Variants in OPCML observed in about 807,000 individuals in gnomAD.
OPCML encodes the protein opioid binding protein/cell adhesion molecule like, also known as opioid-binding protein/cell adhesion molecule.
Under a neutral mutation model 37.8 loss-of-function variants are expected in OPCML, and 13 were observed. The ratio of observed to expected loss-of-function variants is 0.34; its 90% CI spans 0.22 to 0.55. The LOEUF is 0.55. OPCML is among the 20% of genes least tolerant of loss of function. The pLI is 0.91. For missense variants in OPCML, 341 were observed against 435.6 expected (o/e 0.78, Z 1.93); for synonymous variants, 176 against 168.8 (o/e 1.04, Z -0.33).
chr11:133,460,253 C>T (rs541125109), intron 1 of OPCML, among the ~76,000 whole-genome samples: 2 of 151,878 alleles, frequency 1.3e-5, no homozygotes, highest in African/African-American at 4.8e-5. Flanking sequence ...GCTGTAAAAG[C>T]TCACATTTAT....
chr11:132,844,746 TGAGCAAATCTG>T, intron 2 of OPCML, among the ~76,000 whole-genome samples: 1 of 152,200 alleles, frequency 6.6e-6, no homozygotes, highest in East Asian at 1.9e-4. Flanking sequence ...TGTAAAACAT[TGAGCAAATCTG>T]TGTCCCTATG....
At chr11:133,248,228 T>C (rs1384873602) in intron 1 of OPCML, among the ~76,000 whole-genome samples, 2 of 152,206 alleles carry the variant, frequency 1.3e-5, no homozygotes, top group Non-Finnish European at 2.9e-5. Context: ...ATGCCCCTTT[T>C]TTCAAAGAAA....
At chr11:132,450,083 G>A (rs2096064798) in intron 4 of OPCML, among the ~76,000 whole-genome samples, 1 of 152,286 alleles carries the variant, frequency 6.6e-6, no homozygotes, top group Admixed American at 6.5e-5. Flanking sequence ...GCCAGGGCTG[G>A]TCGTCCTCCA....
chr11:133,084,503 G>C (rs1269197625), intron 1 of OPCML, among the ~76,000 whole-genome samples: 2 of 152,194 alleles, frequency 1.3e-5, no homozygotes, highest in Non-Finnish European at 2.9e-5. Context: ...GGCATCTCTT[G>C]AGGGTGTCTA....
intron 3 of OPCML, among the ~76,000 whole-genome samples, chr11:132,533,717 C>T (rs1254027622): frequency 1.3e-5 from 2 of 152,136 alleles, no homozygotes; most frequent in Non-Finnish European, 2.9e-5. Context: ...TTTACCTGTA[C>T]CTTTATTTGT....
intron 1 of OPCML, among the ~76,000 whole-genome samples, chr11:133,434,581 G>A (rs1946192109): frequency 6.6e-6 from 1 of 151,900 alleles, no homozygotes; most frequent in African/African-American, 2.4e-5. Context: ...TAGCTTGTGA[G>A]AGCAGCTGGG....
chr11:132,628,435 C>T (rs531980470), intron 3 of OPCML, among the ~76,000 whole-genome samples: 1 of 152,252 alleles, frequency 6.6e-6, no homozygotes, highest in Admixed American at 6.5e-5. Flanking sequence ...TATTCTGATG[C>T]TTTGGCATCT....
At chr11:133,084,667 G>A (rs78423289) in intron 1 of OPCML, among the ~76,000 whole-genome samples, 8,466 of 152,230 alleles carry the variant, frequency 0.056, 785 homozygotes, top group African/African-American at 0.19. Context: ...GATCAGAGAG[G>A]TCTGGCCCCA....
chr11:132,722,765 G>C (rs1944720661), intron 2 of OPCML, among the ~76,000 whole-genome samples: 1 of 152,136 alleles, frequency 6.6e-6, no homozygotes, highest in Admixed American at 6.5e-5. Flanking sequence ...AAGTAGAAGA[G>C]GTCAGATCCT....
At chr11:133,094,329 T>C (rs570637543) in intron 1 of OPCML, among the ~76,000 whole-genome samples, 5 of 152,158 alleles carry the variant, frequency 3.3e-5, no homozygotes, top group Non-Finnish European at 7.4e-5. Flanking sequence ...CATACAAAGT[T>C]TAGGACTCTG....
intron 1 of OPCML, among the ~76,000 whole-genome samples, chr11:133,271,032 A>T (rs1755470887): frequency 6.6e-6 from 1 of 152,172 alleles, no homozygotes; most frequent in African/African-American, 2.4e-5. Context: ...GCTGAGGCTG[A>T]TGAGGAAGGT....
rs1208081989 is a variant in OPCML at position 132,802,728 on chromosome 11, C to A, written c.146+140198G>T. ...TCCTATCCTGAGTACCAGAAAAGTG[C>A]GTGAAGTCAAAGCCATGTCAGAGAT... On this transcript the variant is annotated intron_variant, in intron 2 of 7. Transcript: ENST00000524381. 2.0e-5 allele frequency among the ~76,000 whole-genome samples: 3 copies of A among 152,152 alleles called. No individual in the cohort carries two copies. The South Asian group carries it at 6.2e-4, about 32-fold the overall frequency.
chr11:133,005,829 G>C (rs555892130), intron 1 of OPCML: 1 of 985,312 alleles, frequency 1.0e-6, no homozygotes, highest in Middle Eastern at 5.2e-4. Context: ...GGGGAAAGAG[G>C]CTGCTCTTTG....
intron 1 of OPCML, among the ~76,000 whole-genome samples, chr11:133,271,200 A>G (rs1467910788): frequency 6.6e-6 from 1 of 152,168 alleles, no homozygotes; most frequent in African/African-American, 2.4e-5. Context: ...ACCTCAAAAC[A>G]TTTTTATAGA....
At chr11:132,856,760 GC>G (rs761782800) in intron 2 of OPCML, among the ~76,000 whole-genome samples, 58 of 152,284 alleles carry the variant, frequency 3.8e-4, no homozygotes, top group Middle Eastern at 3.4e-3. Flanking sequence ...GTGCTGGCAT[GC>G]CACTGTGCCT....
intron 2 of OPCML, among the ~76,000 whole-genome samples, chr11:132,861,443 G>A (rs1325748228): frequency 6.6e-6 from 1 of 152,188 alleles, no homozygotes; most frequent in Non-Finnish European, 1.5e-5. Context: ...ATATGTATAT[G>A]CTTATAAATA....
chr11:133,368,595 A>G (rs565702113), intron 1 of OPCML, among the ~76,000 whole-genome samples: 3 of 152,314 alleles, frequency 2.0e-5, no homozygotes, highest in African/African-American at 7.2e-5. Context: ...GGGAAAACAC[A>G]TTTACACTAC....
chr11:132,982,959 A>T (rs1437216167), intron 1 of OPCML, among the ~76,000 whole-genome samples: 1 of 152,120 alleles, frequency 6.6e-6, no homozygotes, highest in African/African-American at 2.4e-5. Flanking sequence ...AGCCTGGGTA[A>T]TGTGCTGTGG....
chr11:132,768,915 C>T (rs1375222983), intron 2 of OPCML, among the ~76,000 whole-genome samples: 3 of 152,080 alleles, frequency 2.0e-5, no homozygotes, highest in Admixed American at 6.5e-5. Context: ...ATGAAAGGAG[C>T]ACTTTATTTG....
Sources: gnomAD v4.1 joint callset for allele counts (sites outside exome capture counted in the v4.1 genomes callset) on GRCh38, gnomAD v4.1.1 for gene constraint, MANE v1.5 for transcripts, NCBI Gene and HGNC (gene_info 2026-07-23, HGNC 2026-07-21) for gene names.